The following PRRG4 variants were observed in gnomAD, a reference collection of about 807,000 sequenced individuals.
PRRG4 encodes the protein proline rich and Gla domain 4, also known as transmembrane gamma-carboxyglutamic acid protein 4.
Under a neutral mutation model 20.0 loss-of-function variants are expected in PRRG4, and 12 were observed. The observed-to-expected ratio is 0.60, with a 90% CI of 0.38 to 0.97. The LOEUF (loss-of-function observed/expected upper bound fraction) is 0.97, where lower values mean the gene tolerates loss of function less well. Among genes scored for constraint, PRRG4 ranks in the 50% least tolerant of loss-of-function variants. PRRG4 has a pLI of 0.00. For synonymous variants in PRRG4, 94 were observed against 96.4 expected, an observed-to-expected ratio of 0.98 and a Z score of 0.15; for missense variants, 199 against 265.1, an observed-to-expected ratio of 0.75 and a Z score of 1.73.
chr11:32,838,871 C>T lies in PRRG4; in HGVS notation c.268-11C>T. 6.3e-7 allele frequency: 1 copy of T among 1,595,898 alleles called. No individual in the cohort carries two copies. Among genetic ancestry groups the T allele is most frequent in the Non-Finnish European group, 8.6e-7 (1 of 1,164,350 alleles). On this transcript the variant is annotated splice_polypyrimidine_tract_variant and intron_variant, in intron 3 of 5. Transcript: ENST00000257836. ...TATTGAATAAACTTGGGAATTTTAC[C>T]TTTTTTTTAGATTGCATTTTGGCAG...
intron 5 of PRRG4, among the ~76,000 whole-genome samples, chr11:32,849,979 G>A (rs928632226): frequency 6.6e-6 from 1 of 152,224 alleles, no homozygotes; most frequent in Admixed American, 6.5e-5. Context: ...GACAGGAAAT[G>A]AGCAAGGTCT....
chr11:32,855,837 C>G lies in PRRG4; in HGVS notation c.*2310C>G, dbSNP rs1394501112. On this transcript the variant is annotated 3_prime_UTR_variant, in exon 6 of 6. Coordinates refer to ENST00000257836, the MANE Select transcript of PRRG4 (RefSeq NM_024081.6). ...ACTTATTTTAATCCTCTTTAAAGGG[C>G]TACAGGCAAATTCTACTTTGCCATA... is the stretch of plus-strand genomic sequence containing the variant. 4 of 152,192 alleles carry G rather than the reference C, an allele frequency of 2.6e-5. No individual in the cohort carries two copies. Among genetic ancestry groups the G allele is most frequent in the Non-Finnish European group, 4.4e-5 (3 of 68,040 alleles). The allele number at this position is 152,192 out of a possible 1,614,324, so 9.4% of individuals were successfully genotyped here.
chr11:32,830,351 T>C (rs979432858), intron 1 of PRRG4, among the ~76,000 whole-genome samples, 157 bp from the exon 2 acceptor site: 2 of 152,198 alleles, frequency 1.3e-5, no homozygotes, highest in Non-Finnish European at 2.9e-5. Context: ...AGGGGCTGCT[T>C]CCTGGGCGCG....
intron 2 of PRRG4, among the ~76,000 whole-genome samples, chr11:32,831,263 A>G (rs1179077755): frequency 5.3e-5 from 8 of 151,488 alleles, no homozygotes; most frequent in African/African-American, 1.7e-4. Flanking sequence ...ACCTAGTAAA[A>G]CCAGAAGAAA....
chr11:32,857,241 T>G lies in PRRG4; in HGVS notation c.*3714T>G, dbSNP rs1851234090. 6.6e-6 allele frequency: 1 copy of G among 150,942 alleles called. No homozygotes were observed. 9.4% of individuals were successfully genotyped at this position (150,942 alleles called of 1,614,324 possible). On this transcript the variant is annotated 3_prime_UTR_variant, in exon 6 of 6. Transcript: ENST00000257836. ...ATCATGGCTCACTGCAACCTCCGCCTCCCAGGTTCAAGGATTTCTCCTGCC... is the reference window on the plus strand; with the variant it reads ...ATCATGGCTCACTGCAACCTCCGCCGCCCAGGTTCAAGGATTTCTCCTGCC...
chr11:32,853,640 C>T lies in PRRG4; in HGVS notation c.*113C>T. 1.3e-6 allele frequency: 1 copy of T among 793,870 alleles called. No individual in the cohort carries two copies. Among genetic ancestry groups the T allele is most frequent in the Non-Finnish European group, 2.0e-6 (1 of 491,292 alleles). 49.2% of individuals were successfully genotyped at this position (793,870 alleles called of 1,614,324 possible). On this transcript the variant is annotated 3_prime_UTR_variant, in exon 6 of 6. Transcript: ENST00000257836. The stretch of plus-strand genomic sequence containing the variant: ...GCCAGGAGTTCGAGACCAGCCTGGC[C>T]AACATGGTGAAACCCGGTCTCTACT...
Position 32,839,775 on chromosome 11 carries a change from A to G in PRRG4, c.317-332A>G, listed in dbSNP as rs58774560. On this transcript the variant is annotated intron_variant, in intron 4 of 5. Coordinates refer to ENST00000257836, the MANE Select transcript of PRRG4 (RefSeq NM_024081.6). Reference sequence around the variant, plus strand: ...ATATTTTGAATATTATTAAAATATAAATATATTTTGAATACTATTAAAATA... The same window carrying G: ...ATATTTTGAATATTATTAAAATATAGATATATTTTGAATACTATTAAAATA... Among the ~76,000 whole-genome samples the G allele has an allele frequency of 9.6e-3, 1,403 of 146,408 alleles. 17 individuals are homozygous for G. The highest frequency in any genetic ancestry group is 0.031 in the African/African-American group (1,241 of 40,588).
intron 5 of PRRG4, among the ~76,000 whole-genome samples, chr11:32,841,559 G>A (rs1047644046): frequency 1.3e-5 from 2 of 152,144 alleles, no homozygotes; most frequent in Non-Finnish European, 2.9e-5. Flanking sequence ...AGCACTTTGG[G>A]AGGCCAAGGT....
chr11:32,848,838 G>A (rs12225523), intron 5 of PRRG4, among the ~76,000 whole-genome samples: 4,940 of 152,056 alleles, frequency 0.032, 123 homozygotes, highest in East Asian at 0.12. Flanking sequence ...TGGGCATGAT[G>A]GCAGGTGCCT....
chr11:32,831,726 A>T (rs1838518983), intron 2 of PRRG4, among the ~76,000 whole-genome samples: 1 of 152,166 alleles, frequency 6.6e-6, no homozygotes, highest in Non-Finnish European at 1.5e-5. Flanking sequence ...TGACACGGGT[A>T]TAAGAGACAC....
Position 32,853,530 on chromosome 11 carries a change from A to G in PRRG4, c.*3A>G, listed in dbSNP as rs12794986. On this transcript the variant is annotated 3_prime_UTR_variant, in exon 6 of 6. Transcript: ENST00000257836. ...CTATGTCTCTCCCATCTCACTGACT[A>G]CCTTGTCATTTTGGTATAAGAAATT... 2 of 1,605,530 alleles carry G rather than the reference A, an allele frequency of 1.2e-6. No homozygotes were observed. Among genetic ancestry groups the G allele is most frequent in the East Asian group, 4.5e-5 (2 of 44,828 alleles).
chr11:32,833,174 C>T (rs1425353224), intron 2 of PRRG4, among the ~76,000 whole-genome samples: 1 of 152,138 alleles, frequency 6.6e-6, no homozygotes. Context: ...TGATCTGGCA[C>T]CAAAAGTCAG....
In PRRG4 at chr11:32,840,387, A is replaced by G. The variant is rs976804424; in HGVS notation, c.449+148A>G. On this transcript the variant is annotated intron_variant, in intron 5 of 5. Transcript: ENST00000257836. The surrounding 1 kb of genome is among the most constrained non-coding windows in gnomAD (Gnocchi z 4.1). Reference sequence around the variant, plus strand: ...ATGTATAGGGAAGTTGCAAAGGTTAATACAGAGAGTTCCCACATATCCATC... The same window carrying G: ...ATGTATAGGGAAGTTGCAAAGGTTAGTACAGAGAGTTCCCACATATCCATC... 5.2e-6 allele frequency: 3 copies of G among 571,964 alleles called. No homozygotes were observed. The Admixed American group carries it at 9.1e-5, about 17-fold the overall frequency. The allele number at this position is 571,964 out of a possible 1,614,324, so 35.4% of individuals were successfully genotyped here.
At chr11:32,850,271 A>G (rs550133973) in intron 5 of PRRG4, among the ~76,000 whole-genome samples, 9 of 152,108 alleles carry the variant, frequency 5.9e-5, no homozygotes, top group African/African-American at 1.4e-4. Context: ...CTGCGTCACT[A>G]TGTTTTTCAC....
At chr11:32,836,623 G>A in intron 2 of PRRG4, 35 bp from the exon 3 acceptor site, 1 of 1,290,478 alleles carries the variant, frequency 7.7e-7, no homozygotes, top group Non-Finnish European at 1.1e-6. Context: ...GACTATATTT[G>A]ATCAATGTTT....
intron 5 of PRRG4, among the ~76,000 whole-genome samples, chr11:32,844,300 C>T (rs544640937): frequency 6.6e-6 from 1 of 152,196 alleles, no homozygotes; most frequent in African/African-American, 2.4e-5. Flanking sequence ...TTGCCATTCA[C>T]ATGGGCTACT....
chr11:32,845,466 A>C (rs1442773997), intron 5 of PRRG4, among the ~76,000 whole-genome samples: 1 of 152,026 alleles, frequency 6.6e-6, no homozygotes, highest in East Asian at 1.9e-4. Flanking sequence ...TCTCCTAAAA[A>C]TAAAAATAAA....
At position 32,853,518 on chromosome 11, in the gene PRRG4, A is replaced by G. The variant is rs767285140; in HGVS notation, c.672A>G (p.Pro224=). 26 of 1,610,952 alleles carry G rather than the reference A, an allele frequency of 1.6e-5. No homozygotes were observed. Among genetic ancestry groups the G allele is most frequent in the Non-Finnish European group, 2.1e-5 (25 of 1,177,792 alleles). ...TATTTAAAAAATCTATGTCTCTCCCATCTCACTGACTACCTTGTCATTTTG... is the reference window on the plus strand; with the variant it reads ...TATTTAAAAAATCTATGTCTCTCCCGTCTCACTGACTACCTTGTCATTTTG... ...FRVFKKSMSL[P]SH Residue 224 remains proline, a synonymous_variant, in exon 6 of 6, where the codon CCA becomes CCG. Transcript: ENST00000257836.
At chr11:32,844,968 G>A (rs1851114788) in intron 5 of PRRG4, among the ~76,000 whole-genome samples, 1 of 151,968 alleles carries the variant, frequency 6.6e-6, no homozygotes, top group African/African-American at 2.4e-5. Flanking sequence ...ATTATCAGAA[G>A]GTAATATAGA....
Sources: allele counts gnomAD v4.1 joint callset (sites outside exome capture counted in the v4.1 genomes callset), GRCh38; gene constraint gnomAD v4.1.1; non-coding constraint Gnocchi (gnomAD v3.1); transcripts MANE v1.5; gene names NCBI Gene and HGNC (gene_info 2026-07-23, HGNC 2026-07-21).